The following FBXL2 variants were observed in gnomAD, a reference collection of about 807,000 sequenced individuals.
The protein encoded by FBXL2 is F-box/LRR-repeat protein 2.
Under a neutral mutation model 69.2 loss-of-function variants are expected in FBXL2, and 38 were observed. That is an observed-to-expected ratio of 0.55 (90% CI 0.42 to 0.72). The LOEUF is 0.72. FBXL2 is among the 30% of genes least tolerant of loss of function. FBXL2 has a pLI of 0.00. For synonymous variants in FBXL2, 192 were observed against 201.3 expected, an observed-to-expected ratio of 0.95 and a Z score of 0.39; for missense variants, 354 against 520.3, an observed-to-expected ratio of 0.68 and a Z score of 3.11.
chr3:33,361,397 G>A (rs1559605038), intron 4 of FBXL2, among the ~76,000 whole-genome samples: 1 of 152,102 alleles, frequency 6.6e-6, no homozygotes, highest in South Asian at 2.1e-4. Flanking sequence ...TGTAGTCCTG[G>A]CTACTCAGGA....
chr3:33,329,412 C>A (rs2038976646), intron 2 of FBXL2, among the ~76,000 whole-genome samples: 1 of 152,080 alleles, frequency 6.6e-6, no homozygotes, highest in Admixed American at 6.6e-5. Flanking sequence ...AATTCCACCA[C>A]TGGATATATA....
intron 1 of FBXL2, among the ~76,000 whole-genome samples, chr3:33,294,296 T>C (rs1265369280): frequency 6.6e-6 from 1 of 151,896 alleles, no homozygotes; most frequent in Admixed American, 6.6e-5. Context: ...CGGGTCTCAC[T>C]ATGTTGCCCA....
chr3:33,387,856 C>G lies in FBXL2; in HGVS notation c.*2248C>G, dbSNP rs970967103. 3 of 151,998 alleles carry G rather than the reference C, an allele frequency of 2.0e-5. No homozygotes were observed. Among genetic ancestry groups the G allele is most frequent in the Non-Finnish European group, 4.4e-5 (3 of 68,074 alleles). The allele number at this position is 151,998 out of a possible 1,614,324, so 9.4% of individuals were successfully genotyped here. A position where few individuals can be genotyped will look rare whatever the true frequency, so the allele number is the denominator to read the frequency against. ...GGCAGAGGCGGGCGGATCGTGAGAT[C>G]AGGAGATCAAGACCATCCTGGCTAA... On this transcript the variant is annotated 3_prime_UTR_variant, in exon 15 of 15. Coordinates refer to ENST00000484457, the MANE Select transcript of FBXL2 (RefSeq NM_012157.5).
intron 12 of FBXL2, chr3:33,396,996 G>A (rs199877735): frequency 4.7e-5 from 73 of 1,537,354 alleles, no homozygotes; most frequent in Middle Eastern, 1.7e-4. Context: ...TTCCCCACGC[G>A]AAGAAAGGTA....
intron 1 of FBXL2, among the ~76,000 whole-genome samples, chr3:33,293,817 T>C (rs985965640): frequency 6.6e-6 from 1 of 152,110 alleles, no homozygotes; most frequent in Non-Finnish European, 1.5e-5. Flanking sequence ...TAATAGAACA[T>C]TTAGACAGCA....
At position 33,386,467 on chromosome 3, in the gene FBXL2, G is replaced by A. The variant is rs1414896714; in HGVS notation, c.*859G>A. ...AATCAATTAGAAGTAATGAATGGAT[G>A]CATGTAAAATGGATGTGATTTTTTT... is the stretch of plus-strand genomic sequence containing the variant. On this transcript the variant is annotated 3_prime_UTR_variant, in exon 15 of 15. Transcript: ENST00000484457. 6.6e-6 allele frequency: 1 copy of A among 152,078 alleles called. No homozygotes were observed. The highest frequency in any genetic ancestry group is 1.5e-5 in the Non-Finnish European group (1 of 68,004). 9.4% of individuals were successfully genotyped at this position (152,078 alleles called of 1,614,324 possible).
In FBXL2 at chr3:33,373,362, G is replaced by C; in HGVS notation, c.455+7G>C. The C allele has an allele frequency of 6.3e-7, 1 of 1,594,646 alleles. No individual in the cohort carries two copies. Among genetic ancestry groups the C allele is most frequent in the South Asian group, 1.1e-5 (1 of 90,678 alleles). On this transcript the variant is annotated splice_region_variant and intron_variant, in intron 7 of 14. Transcript: ENST00000484457. ...GCTCCTTGAAGGGGATCAGGTAAGA[G>C]TGCCCATTGTTTGTGTCAAGAGAAA...
At chr3:33,382,692 C>A (rs764028266) in intron 13 of FBXL2, 1 of 152,168 alleles carries the variant, frequency 6.6e-6, no homozygotes, top group African/African-American at 2.4e-5. Context: ...TCAGAAACAT[C>A]GAAATAACCC....
At chr3:33,407,299 A>G (rs2044452519), downstream of FBXL2, among the ~76,000 whole-genome samples, 1 of 152,178 alleles carries the variant, frequency 6.6e-6, no homozygotes, top group South Asian at 2.1e-4. Flanking sequence ...TCCCATCTTC[A>G]GATTACCTCT....
chr3:33,285,305 A>G (rs1246246344), intron 1 of FBXL2, among the ~76,000 whole-genome samples: 1 of 152,166 alleles, frequency 6.6e-6, no homozygotes, highest in Non-Finnish European at 1.5e-5. Flanking sequence ...TCTGAAGCTT[A>G]GTTTGGCTGG....
upstream of FBXL2, chr3:33,277,108 T>G: frequency 2.8e-5 from 5 of 175,570 alleles, no homozygotes; most frequent in East Asian, 1.5e-4. Context: ...TGAGTGTCGT[T>G]TTATCCTTTT....
intron 1 of FBXL2, among the ~76,000 whole-genome samples, chr3:33,278,931 C>T (rs1371983267): frequency 2.0e-5 from 3 of 152,182 alleles, no homozygotes; most frequent in Non-Finnish European, 4.4e-5. Flanking sequence ...ATTAATTTTT[C>T]ACAGCTCTCT....
intron 2 of FBXL2, among the ~76,000 whole-genome samples, chr3:33,339,144 A>G (rs1203894947): frequency 6.6e-6 from 1 of 152,258 alleles, no homozygotes; most frequent in African/African-American, 2.4e-5. Context: ...TTTTCAAAAG[A>G]AGACATACAT....
intron 2 of FBXL2, among the ~76,000 whole-genome samples, chr3:33,318,752 A>AG (rs765661542): frequency 0.026 from 1,564 of 60,318 alleles, 21 homozygotes; most frequent in African/African-American, 0.13. Context: ...TTAAACATCT[A>AG]TTATTGCTCA....
intron 2 of FBXL2, among the ~76,000 whole-genome samples, chr3:33,345,038 GTTA>G (rs1410566953): frequency 6.6e-6 from 1 of 152,174 alleles, no homozygotes; most frequent in Non-Finnish European, 1.5e-5. Context: ...AAAGTCTTAT[GTTA>G]ACTTTTCCCA....
downstream of FBXL2, chr3:33,392,640 G>A: frequency 6.3e-7 from 1 of 1,583,810 alleles, no homozygotes; most frequent in Non-Finnish European, 8.6e-7. Context: ...AAATGCGTAA[G>A]TACAATTAAG....
chr3:33,277,462 C>A lies in FBXL2; in HGVS notation c.-51C>A, dbSNP rs370965399. On this transcript the variant is annotated 5_prime_UTR_variant, in exon 1 of 15. Coordinates refer to ENST00000484457, the MANE Select transcript of FBXL2 (RefSeq NM_012157.5). The stretch of plus-strand genomic sequence containing the variant: ...CTGGCGTCACCAGGACAACGGGCGT[C>A]GCCGGCGCCGTGTGACTTCGGGCTG... The A allele has an allele frequency of 6.3e-6, 8 of 1,267,280 alleles. No homozygotes were observed. The highest frequency in any genetic ancestry group is 3.3e-5 in the South Asian group (1 of 30,372). 78.5% of individuals were successfully genotyped at this position (1,267,280 alleles called of 1,614,324 possible).
At chr3:33,321,654 G>A (rs12489528) in intron 2 of FBXL2, among the ~76,000 whole-genome samples, 11,758 of 152,230 alleles carry the variant, frequency 0.077, 521 homozygotes, top group Admixed American at 0.098. Context: ...TGTGAACATC[G>A]TAGAGTTGAC....
At chr3:33,378,281 C>A in intron 12 of FBXL2, 134 bp downstream of exon 12, 1 of 870,040 alleles carries the variant, frequency 1.1e-6, no homozygotes, top group Non-Finnish European at 1.9e-6. Flanking sequence ...GGCTTGGAAA[C>A]CTGTGAAGGC....
Sources: gnomAD v4.1 joint callset for allele counts (sites outside exome capture counted in the v4.1 genomes callset) on GRCh38, gnomAD v4.1.1 for gene constraint, MANE v1.5 for transcripts, NCBI Gene and HGNC (gene_info 2026-07-23, HGNC 2026-07-21) for gene names.